The following FOXP1 variants were observed in gnomAD, a reference collection of about 807,000 sequenced individuals.
FOXP1 encodes forkhead box P1.
A neutral mutation model predicts 98.2 loss-of-function variants in FOXP1; 15 were observed. That is an observed-to-expected ratio of 0.15 (90% CI 0.10 to 0.24). FOXP1 has a LOEUF of 0.24. Ranked by LOEUF, FOXP1 falls within the 10% of genes least tolerant of loss-of-function variation. The probability of loss-of-function intolerance (pLI) is 1.00; values close to 1 mark genes in which losing one functional copy is unlikely to be tolerated. For missense variants in FOXP1, 633 were observed against 848.5 expected, an observed-to-expected ratio of 0.75 and a Z score of 3.15; for synonymous variants, 371 against 314.5, an observed-to-expected ratio of 1.18 and a Z score of -1.90.
chr3:71,577,766 G>C (rs1016955173), intron 2 of FOXP1, among the ~76,000 whole-genome samples: 6 of 151,748 alleles, frequency 4.0e-5, no homozygotes, highest in Non-Finnish European at 5.9e-5. Flanking sequence ...TGATCACCTG[G>C]TGGGACTAAC....
intron 5 of FOXP1, among the ~76,000 whole-genome samples, chr3:71,257,642 A>G (rs2068748936): frequency 6.6e-6 from 1 of 151,994 alleles, no homozygotes; most frequent in Admixed American, 6.6e-5. Context: ...TAAAAGGAGG[A>G]AATTTCCAGG....
intron 20 of FOXP1, 123 bp downstream of exon 20, chr3:70,965,767 G>A (rs950520147): frequency 5.0e-6 from 5 of 1,002,440 alleles, no homozygotes; most frequent in African/African-American, 3.2e-5. Context: ...CTTCTAGCTT[G>A]GTTCTGGGAA....
intron 12 of FOXP1, among the ~76,000 whole-genome samples, chr3:71,004,216 G>A (rs768826030): frequency 4.0e-5 from 6 of 151,536 alleles, no homozygotes; most frequent in Non-Finnish European, 7.4e-5. Context: ...AAATGATCAC[G>A]GCTACCATAC....
intron 5 of FOXP1, among the ~76,000 whole-genome samples, chr3:71,212,881 A>G (rs1283983202): frequency 1.3e-5 from 2 of 151,978 alleles, no homozygotes; most frequent in East Asian, 1.9e-4. Flanking sequence ...CATAGATTGT[A>G]TCATTTCAGA....
At chr3:71,439,291 TG>T (rs1306520984) in intron 3 of FOXP1, among the ~76,000 whole-genome samples, 1 of 152,182 alleles carries the variant, frequency 6.6e-6, no homozygotes. Context: ...AAAACCTTTC[TG>T]TGTGTCCATG....
At chr3:71,121,237 G>A (rs113098299) in intron 6 of FOXP1, among the ~76,000 whole-genome samples, 26 of 151,856 alleles carry the variant, frequency 1.7e-4, no homozygotes, top group Admixed American at 5.9e-4. Flanking sequence ...AAACCCCACC[G>A]CCAATCAAGC....
At chr3:71,314,730 T>A (rs1004522681) in intron 4 of FOXP1, among the ~76,000 whole-genome samples, 2 of 151,958 alleles carry the variant, frequency 1.3e-5, no homozygotes, top group Non-Finnish European at 2.9e-5. Context: ...AGGCAAGTCA[T>A]TAGTTACAAA....
intron 2 of FOXP1, among the ~76,000 whole-genome samples, chr3:71,540,493 G>C (rs2044711962): frequency 6.6e-6 from 1 of 152,314 alleles, no homozygotes; most frequent in Non-Finnish European, 1.5e-5. Context: ...GTTGTCAAGG[G>C]TAACAGATAA....
chr3:71,284,697 ACAACCATTC>A (rs1279579119), intron 5 of FOXP1, among the ~76,000 whole-genome samples: 2 of 152,232 alleles, frequency 1.3e-5, no homozygotes, highest in Non-Finnish European at 2.9e-5. Flanking sequence ...GATGTGGTAT[ACAACCATTC>A]CAGATGTCTT....
intron 6 of FOXP1, among the ~76,000 whole-genome samples, chr3:71,160,115 G>A (rs2061058366): frequency 6.6e-6 from 1 of 152,212 alleles, no homozygotes; most frequent in Non-Finnish European, 1.5e-5. Flanking sequence ...AAGGGCCGAA[G>A]GCAGCTCCAT....
At chr3:71,250,648 C>G (rs192205880) in intron 5 of FOXP1, among the ~76,000 whole-genome samples, 3 of 152,110 alleles carry the variant, frequency 2.0e-5, no homozygotes, top group Admixed American at 2.0e-4. Flanking sequence ...GTGTTTTTTG[C>G]GTTGGGCGCA....
chr3:71,143,586 G>C (rs983285659), intron 6 of FOXP1, among the ~76,000 whole-genome samples: 1 of 152,162 alleles, frequency 6.6e-6, no homozygotes, highest in Non-Finnish European at 1.5e-5. Context: ...GTTGTGAGGA[G>C]TAAGTCATTT....
intron 2 of FOXP1, among the ~76,000 whole-genome samples, chr3:71,499,543 A>C (rs2041179680): frequency 6.6e-6 from 1 of 152,262 alleles, no homozygotes. Flanking sequence ...ATTGGCCAGA[A>C]AACTTGGGAG....
chr3:71,145,052 C>A (rs1043706878), intron 6 of FOXP1, among the ~76,000 whole-genome samples: 3 of 152,072 alleles, frequency 2.0e-5, no homozygotes, highest in Non-Finnish European at 2.9e-5. Flanking sequence ...TACGGAGGTG[C>A]CACAGTCTGC....
At chr3:71,009,167 G>GT (rs1409008711) in intron 12 of FOXP1, among the ~76,000 whole-genome samples, 2 of 84,024 alleles carry the variant, frequency 2.4e-5, no homozygotes, top group Admixed American at 2.2e-4. Context: ...GGGGGGGGGG[G>GT]GCGCATGACA....
chr3:70,960,705 C>T (rs2033177943), intron 20 of FOXP1, among the ~76,000 whole-genome samples: 1 of 152,016 alleles, frequency 6.6e-6, no homozygotes, highest in Non-Finnish European at 1.5e-5. Flanking sequence ...CCAAAGGCCC[C>T]TTGAACCATT....
intron 3 of FOXP1, among the ~76,000 whole-genome samples, chr3:71,374,579 C>G (rs191038981): frequency 6.8e-6 from 1 of 146,138 alleles, no homozygotes; most frequent in African/African-American, 2.5e-5. Context: ...GGTAACACAG[C>G]AAGAGACTCT....
At chr3:71,546,201 T>C (rs2045345949) in intron 2 of FOXP1, among the ~76,000 whole-genome samples, 1 of 152,136 alleles carries the variant, frequency 6.6e-6, no homozygotes, top group Non-Finnish European at 1.5e-5. Context: ...TAGTGGTCGG[T>C]GGCCAGGTAA....
chr3:71,201,379 C>G (rs1394158772), intron 5 of FOXP1, among the ~76,000 whole-genome samples: 1 of 152,240 alleles, frequency 6.6e-6, no homozygotes, highest in African/African-American at 2.4e-5. Flanking sequence ...GGTGCAGTGG[C>G]TCATGCCTGT....
Sources: gnomAD v4.1 joint callset for allele counts (sites outside exome capture counted in the v4.1 genomes callset) on GRCh38, gnomAD v4.1.1 for gene constraint, MANE v1.5 for transcripts, NCBI Gene and HGNC (gene_info 2026-07-23, HGNC 2026-07-21) for gene names.